GLI2: variants seen among roughly 807,000 people sequenced by gnomAD.
GLI2 encodes transcription activator GLI2.
A neutral mutation model predicts 78.9 loss-of-function variants in GLI2; 22 were observed. That is an observed-to-expected ratio of 0.28 (90% CI 0.20 to 0.40). The LOEUF is 0.40. Ranked by LOEUF, GLI2 falls within the 10% of genes least tolerant of loss-of-function variation. The pLI is 1.00. For synonymous variants in GLI2, 974 were observed against 963.7 expected (o/e 1.01, Z -0.20); for missense variants, 2,097 against 2,213.2 (o/e 0.95, Z 1.05).
At chr2:120,787,042 G>A (rs893834784) in intron 1 of GLI2, among the ~76,000 whole-genome samples, 2 of 152,194 alleles carry the variant, frequency 1.3e-5, no homozygotes. Context: ...ACACGGACAC[G>A]TAAACATGTA....
intron 2 of GLI2, among the ~76,000 whole-genome samples, chr2:120,916,380 G>A (rs1056069024): frequency 6.6e-6 from 1 of 152,220 alleles, no homozygotes; most frequent in Non-Finnish European, 1.5e-5. Context: ...CTCACTGTCC[G>A]CACTGCCCTG....
At chr2:120,906,408 C>T (rs2104798600) in intron 2 of GLI2, among the ~76,000 whole-genome samples, 1 of 152,260 alleles carries the variant, frequency 6.6e-6, no homozygotes, top group East Asian at 1.9e-4. Flanking sequence ...CACCCAGGGT[C>T]CAGATTCAGC....
intron 2 of GLI2, among the ~76,000 whole-genome samples, chr2:120,841,171 CTG>C (rs1479274791): frequency 6.6e-6 from 1 of 152,190 alleles, no homozygotes; most frequent in Admixed American, 6.5e-5. Flanking sequence ...TGAGAAAGAA[CTG>C]TGTAATTATT....
At chr2:120,915,406 C>A (rs897534827) in intron 2 of GLI2, among the ~76,000 whole-genome samples, 3 of 152,110 alleles carry the variant, frequency 2.0e-5, no homozygotes, top group Admixed American at 1.3e-4. Context: ...GACAGAAGCA[C>A]TTTTTAGTTG....
intron 2 of GLI2, among the ~76,000 whole-genome samples, chr2:120,830,153 C>T (rs1482157202): frequency 6.6e-6 from 1 of 152,192 alleles, no homozygotes; most frequent in Non-Finnish European, 1.5e-5. Context: ...TCTGCCCCTC[C>T]GTCTGAGTAC....
chr2:120,797,642 G>A (rs1684465390), intron 2 of GLI2, among the ~76,000 whole-genome samples, 174 bp downstream of exon 2: 2 of 138,370 alleles, frequency 1.4e-5, no homozygotes, highest in South Asian at 4.8e-4. Flanking sequence ...TCACCTGTGA[G>A]TTTGCTAAGA....
In GLI2 at chr2:120,978,552, G is replaced by A. The variant is rs1413032761; in HGVS notation, c.1436G>A (p.Arg479Gln). The A allele has an allele frequency of 6.2e-7, 1 of 1,613,978 alleles. No individual in the cohort carries two copies. Among genetic ancestry groups the A allele is most frequent in the Non-Finnish European group, 8.5e-7 (1 of 1,179,996 alleles). Residue 479 changes from arginine to glutamine, a missense_variant, in exon 10 of 14, where the codon CGA becomes CAA. Arg to Gln is a conservative substitution (Grantham distance 43). Transcript: ENST00000361492. ...TACATGCTGGTGGTGCACATGCGGC[G>A]ACACACGGGCGAGAAGCCCCACAAG... ...AQYMLVVHMR[R>Q]HTGEKPHKCT... is the part of the protein sequence containing the mutation.
intron 2 of GLI2, among the ~76,000 whole-genome samples, chr2:120,904,161 AC>A (rs1172048250): frequency 6.6e-6 from 1 of 151,912 alleles, no homozygotes; most frequent in Non-Finnish European, 1.5e-5. Context: ...GAGGATGGAG[AC>A]CCCTGAGTTC....
intron 3 of GLI2, among the ~76,000 whole-genome samples, chr2:120,930,303 G>T (rs139229623): frequency 6.6e-6 from 1 of 152,180 alleles, no homozygotes; most frequent in Non-Finnish European, 1.5e-5. Flanking sequence ...TGTTCATGCC[G>T]TTTAATCTTC....
At chr2:120,981,877 A>G (rs1377589548) in intron 10 of GLI2, among the ~76,000 whole-genome samples, 1 of 151,860 alleles carries the variant, frequency 6.6e-6, no homozygotes, top group African/African-American at 2.4e-5. Flanking sequence ...ATGTTTCTTG[A>G]GTGCCTAGAT....
chr2:120,814,001 G>C (rs1460915789), intron 2 of GLI2, among the ~76,000 whole-genome samples: 2 of 152,088 alleles, frequency 1.3e-5, no homozygotes, highest in African/African-American at 4.8e-5. Context: ...GAGGCTAAGA[G>C]AGTCAGCTGC....
At chr2:120,974,901 G>A (rs1322222593) in intron 8 of GLI2, 74 bp from the exon 9 acceptor site, 9 of 1,612,766 alleles carry the variant, frequency 5.6e-6, no homozygotes, top group Admixed American at 5.0e-5. Flanking sequence ...GAATGCATGG[G>A]ACTAACAGCG....
At chr2:120,753,527 A>AC (rs1682940971) in intron 1 of GLI2, among the ~76,000 whole-genome samples, 1 of 152,056 alleles carries the variant, frequency 6.6e-6, no homozygotes, top group Non-Finnish European at 1.5e-5. Context: ...TGTGTTTGTT[A>AC]GTTGCTTGTG....
intron 1 of GLI2, among the ~76,000 whole-genome samples, chr2:120,757,067 T>C (rs1683052908): frequency 6.6e-6 from 1 of 152,184 alleles, no homozygotes. Context: ...AGAAGTTTGA[T>C]TGGGTCGTTT....
intron 1 of GLI2, among the ~76,000 whole-genome samples, chr2:120,779,537 A>G (rs1275402645): frequency 6.6e-6 from 1 of 152,210 alleles, no homozygotes; most frequent in Admixed American, 6.5e-5. Context: ...ACATGGCCCA[A>G]GAGTTGGGAG....
intron 2 of GLI2, among the ~76,000 whole-genome samples, chr2:120,798,981 C>A (rs1045592100): frequency 6.6e-6 from 1 of 152,208 alleles, no homozygotes; most frequent in African/African-American, 2.4e-5. Flanking sequence ...CGCCCCACAC[C>A]CTGCCTCTCC....
intron 2 of GLI2, among the ~76,000 whole-genome samples, chr2:120,880,713 G>A (rs79322479): frequency 0.011 from 1,711 of 152,308 alleles, 9 homozygotes; most frequent in Non-Finnish European, 0.016. Flanking sequence ...ATCTGCGTAT[G>A]AGAGAGATTA....
At position 120,970,397 on chromosome 2, in the gene GLI2, G is replaced by T; in HGVS notation, c.850G>T (p.Ala284Ser). 1 of 1,600,406 alleles carries T rather than the reference G, an allele frequency of 6.2e-7. No homozygotes were observed. Among genetic ancestry groups the T allele is most frequent in the Middle Eastern group, 1.7e-4 (1 of 6,020 alleles). Residue 284 changes from alanine (A) to serine (S), a missense_variant, in exon 7 of 14, where the codon GCC becomes TCC. By Grantham distance (99) the Ala-to-Ser change is moderately conservative (BLOSUM62 1). This residue lies in a region of GLI2 where 578 missense variants were observed against 612.0 expected (regional missense o/e 0.94). Transcript: ENST00000361492. ...CTTGTCTGCTCTCTGTTGCAGCCCA[G>T]CCTTCACCTTCCCCCACCCCATCAA... is the stretch of plus-strand genomic sequence containing the variant. ...GHLSAGALSP[A>S]FTFPHPINPV...
At chr2:120,931,136 C>T (rs548710579) in intron 3 of GLI2, among the ~76,000 whole-genome samples, 4 of 152,366 alleles carry the variant, frequency 2.6e-5, no homozygotes, top group South Asian at 2.1e-4. Context: ...CATATCATTC[C>T]GGAGGTCAGA....
Sources: allele counts gnomAD v4.1 joint callset (sites outside exome capture counted in the v4.1 genomes callset), GRCh38; gene constraint gnomAD v4.1.1; regional missense constraint gnomAD v4.1.1; transcripts MANE v1.5; gene names NCBI Gene and HGNC (gene_info 2026-07-23, HGNC 2026-07-21).